Variants in KLHL26 observed in about 807,000 individuals in gnomAD.
KLHL26 encodes kelch-like protein 26.
In KLHL26, 4 loss-of-function variants were observed where a neutral mutation model predicts 7.1. The ratio of observed to expected loss-of-function variants is 0.56; its 90% CI spans 0.28 to 1.28. The LOEUF (loss-of-function observed/expected upper bound fraction) is 1.28. Among genes scored for constraint, KLHL26 ranks in the 50% most tolerant of loss-of-function variants. KLHL26 has a pLI of 0.11. For synonymous variants in KLHL26, 465 were observed against 414.1 expected, an observed-to-expected ratio of 1.12 and a Z score of -1.49; for missense variants, 896 against 924.6, an observed-to-expected ratio of 0.97 and a Z score of 0.40.
intron 1 of KLHL26, among the ~76,000 whole-genome samples, chr19:18,645,941 TG>T (rs1375564329): frequency 6.6e-6 from 1 of 152,116 alleles, no homozygotes; most frequent in African/African-American, 2.4e-5. Flanking sequence ...TCAGTCTGGC[TG>T]GGTGGCCTTT....
In KLHL26 at chr19:18,668,115, C is replaced by T. The variant is rs537477208; in HGVS notation, c.718C>T (p.Arg240Trp). Reference protein sequence around the residue: ...AVRWLQHDPARRPRASHVLCH... With the variant: ...AVRWLQHDPAWRPRASHVLCH... ...CCGCTGGCTGCAGCATGACCCGGCCCGGCGGCCGCGCGCCAGCCACGTGCT... is the reference window on the plus strand; with the variant it reads ...CCGCTGGCTGCAGCATGACCCGGCCTGGCGGCCGCGCGCCAGCCACGTGCT... The change falls in exon 3 of 3, where the codon CGG becomes TGG. Residue 240 changes from arginine (R) to tryptophan (W), a missense_variant. Transcript: ENST00000300976. The T allele has an allele frequency of 8.1e-6, 13 of 1,596,088 alleles. No homozygotes were observed. In the South Asian group the frequency reaches 8.8e-5, roughly 11 times the overall value.
At chr19:18,642,417 G>A (rs1395794471) in intron 1 of KLHL26, among the ~76,000 whole-genome samples, 1 of 150,420 alleles carries the variant, frequency 6.6e-6, no homozygotes, top group East Asian at 2.0e-4. Flanking sequence ...GCCCAGGCTG[G>A]AGTGCAGTGG....
chr19:18,643,604 G>A (rs1270894398), intron 1 of KLHL26, among the ~76,000 whole-genome samples: 1 of 151,634 alleles, frequency 6.6e-6, no homozygotes, highest in Non-Finnish European at 1.5e-5. Context: ...TCAGCCTCCC[G>A]AGTAGCTGAG....
chr19:18,643,388 T>G (rs111532577), intron 1 of KLHL26, among the ~76,000 whole-genome samples: 15,237 of 150,846 alleles, frequency 0.1, 867 homozygotes, highest in Middle Eastern at 0.17. Context: ...GAGGTTGCAG[T>G]GAGCTGAGAT....
At chr19:18,644,091 C>G (rs1418495201) in intron 1 of KLHL26, among the ~76,000 whole-genome samples, 2 of 152,194 alleles carry the variant, frequency 1.3e-5, no homozygotes, top group African/African-American at 4.8e-5. Context: ...CATTGCCCAG[C>G]CCCTGACAAT....
chr19:18,642,873 G>A (rs565451126), intron 1 of KLHL26, among the ~76,000 whole-genome samples: 4 of 150,930 alleles, frequency 2.7e-5, no homozygotes, highest in South Asian at 4.2e-4. Context: ...TCATTCTGTC[G>A]CCCAGGCTAG....
At chr19:18,653,183 CAG>C (rs1237914447) in intron 1 of KLHL26, among the ~76,000 whole-genome samples, 1 of 152,048 alleles carries the variant, frequency 6.6e-6, no homozygotes, top group Non-Finnish European at 1.5e-5. Flanking sequence ...AAGAGCAAGA[CAG>C]GGGCTCTTCA....
rs896030044 is a variant in KLHL26 at position 18,670,321 on chromosome 19, G to A, written c.*1076G>A. On this transcript the variant is annotated 3_prime_UTR_variant, in exon 3 of 3. Transcript: ENST00000300976. ...CTGTTTTTAAGAAGCCAGCACTGCT[G>A]TCTCATAGATGGGATTTGTACTCTT... The A allele has an allele frequency of 6.6e-6, 1 of 151,914 alleles. No individual in the cohort carries two copies. Among genetic ancestry groups the A allele is most frequent in the African/African-American group, 2.4e-5 (1 of 41,376 alleles). The allele number at this position is 151,914 out of a possible 1,614,324, so 9.4% of individuals were successfully genotyped here.
In KLHL26 at chr19:18,669,489, C is replaced by G; in HGVS notation, c.*244C>G. 1.7e-6 allele frequency: 1 copy of G among 573,380 alleles called. No homozygotes were observed. Among genetic ancestry groups the G allele is most frequent in the East Asian group, 2.9e-5 (1 of 34,020 alleles). The allele number at this position is 573,380 out of a possible 1,614,324, so 35.5% of individuals were successfully genotyped here. Reference sequence around the variant, plus strand: ...GTCTGACATGTGGTGGCAGCAAATTCGTCCCCGGGGTGGTTTCCTCGCCTG... The same window carrying G: ...GTCTGACATGTGGTGGCAGCAAATTGGTCCCCGGGGTGGTTTCCTCGCCTG... On this transcript the variant is annotated 3_prime_UTR_variant, in exon 3 of 3. Transcript: ENST00000300976.
In KLHL26 at chr19:18,671,103, T is replaced by C. The variant is rs1473115; in HGVS notation, c.*1858T>C. The stretch of plus-strand genomic sequence containing the variant: ...TGGGCTGCCCAGAGCAGGCCACTTA[T>C]CAGTTGCAGGTTAGCAGAGAAAGCC... On this transcript the variant is annotated 3_prime_UTR_variant, in exon 3 of 3. Coordinates refer to ENST00000300976, the MANE Select transcript of KLHL26 (RefSeq NM_018316.3). 59,424 of 151,970 alleles carry C rather than the reference T, an allele frequency of 0.39. 12,139 individuals carry two copies. The highest frequency in any genetic ancestry group is 0.51 in the East Asian group (2,640 of 5,154). The allele number at this position is 151,970 out of a possible 1,614,324, so 9.4% of individuals were successfully genotyped here. A position where few individuals can be genotyped will look rare whatever the true frequency, so the allele number is the denominator to read the frequency against.
intron 1 of KLHL26, among the ~76,000 whole-genome samples, chr19:18,643,253 T>C (rs962175611): frequency 1.3e-5 from 2 of 148,738 alleles, no homozygotes; most frequent in African/African-American, 2.5e-5. Context: ...GAGACCAGCC[T>C]AGCCAACATG....
rs1269014316 is a variant in KLHL26 at position 18,669,621 on chromosome 19, A to T, written c.*376A>T. 2.2e-6 allele frequency: 1 copy of T among 457,902 alleles called. No homozygotes were observed. Among genetic ancestry groups the T allele is most frequent in the Admixed American group, 3.9e-5 (1 of 25,538 alleles). 28.4% of individuals were successfully genotyped at this position (457,902 alleles called of 1,614,324 possible). On this transcript the variant is annotated 3_prime_UTR_variant, in exon 3 of 3. Transcript: ENST00000300976. ...GCCTCCCAGCCCCACGGTTTCAGGC[A>T]TTCAGATGTGAGCTCATCAACATTG...
At chr19:18,642,573 A>G (rs1976733475) in intron 1 of KLHL26, among the ~76,000 whole-genome samples, 2 of 151,844 alleles carry the variant, frequency 1.3e-5, no homozygotes, top group South Asian at 2.1e-4. Context: ...CATGTTGGCC[A>G]GGCTGGTCTG....
At chr19:18,666,214 G>A (rs531192877) in intron 2 of KLHL26, among the ~76,000 whole-genome samples, 1 of 152,304 alleles carries the variant, frequency 6.6e-6, no homozygotes, top group South Asian at 2.1e-4. Context: ...AGATGCTGAA[G>A]AGCTGCTTGT....
intron 1 of KLHL26, among the ~76,000 whole-genome samples, chr19:18,640,440 G>A (rs779614434): frequency 2.8e-4 from 42 of 151,744 alleles, no homozygotes; most frequent in Non-Finnish European, 5.2e-4. Flanking sequence ...ACAAAGTCTT[G>A]CCATGTTGCC....
chr19:18,640,036 C>T (rs1389033979), intron 1 of KLHL26, among the ~76,000 whole-genome samples: 4 of 150,694 alleles, frequency 2.7e-5, no homozygotes, highest in Admixed American at 1.3e-4. Flanking sequence ...AAACTGTGTC[C>T]GTCCATACAA....
At chr19:18,666,668 C>G (rs117535786) in intron 2 of KLHL26, among the ~76,000 whole-genome samples, 9,088 of 152,164 alleles carry the variant, frequency 0.06, 351 homozygotes, top group Non-Finnish European at 0.092. Context: ...GTGGGAGGTG[C>G]TTCCCCGACC....
intron 1 of KLHL26, among the ~76,000 whole-genome samples, chr19:18,641,818 G>T (rs1976718091): frequency 6.6e-6 from 1 of 151,726 alleles, no homozygotes; most frequent in Admixed American, 6.6e-5. Context: ...TAGTAGAGAC[G>T]GGGTTTCTCC....
chr19:18,669,144 A>G lies in KLHL26; in HGVS notation c.1747A>G (p.Thr583Ala), dbSNP rs1418617670. The change falls in exon 3 of 3, where the codon ACG becomes GCG. Residue 583 changes from threonine (T) to alanine (A), a missense_variant. Transcript: ENST00000300976. ...NVTGIVQVYNTDTDEWERDLH... is the reference protein window; with the variant it reads ...NVTGIVQVYNADTDEWERDLH... ...CACGGGCATCGTACAGGTGTACAAC[A>G]CGGACACCGACGAGTGGGAGCGGGA... 2 of 1,612,832 alleles carry G rather than the reference A, an allele frequency of 1.2e-6. No homozygotes were observed. The highest frequency in any genetic ancestry group is 3.3e-5 in the Admixed American group (2 of 60,018).
Sources: gnomAD v4.1 joint callset for allele counts (sites outside exome capture counted in the v4.1 genomes callset) on GRCh38, gnomAD v4.1.1 for gene constraint, MANE v1.5 for transcripts, NCBI Gene and HGNC (gene_info 2026-07-23, HGNC 2026-07-21) for gene names.